PTPRD: variants seen among roughly 807,000 people sequenced by gnomAD.
The protein encoded by PTPRD is protein tyrosine phosphatase receptor type D, also known as receptor-type tyrosine-protein phosphatase delta.
PTPRD carries 34 observed loss-of-function variants against 214.5 expected under a neutral mutation model. The ratio of observed to expected loss-of-function variants is 0.16; its 90% CI spans 0.12 to 0.21. The LOEUF is 0.21. PTPRD is among the 10% of genes least tolerant of loss of function. The pLI is 1.00. For missense variants in PTPRD, 2,545 were observed against 2,398.7 expected (o/e 1.06, Z -1.27); for synonymous variants, 1,128 against 845.7 (o/e 1.33, Z -5.79).
intron 5 of PTPRD, among the ~76,000 whole-genome samples, chr9:9,792,516 C>T (rs1168045207): frequency 6.6e-6 from 1 of 152,140 alleles, no homozygotes; most frequent in African/African-American, 2.4e-5. Context: ...TGGCATTCTT[C>T]TCCTAGTAGC....
intron 8 of PTPRD, among the ~76,000 whole-genome samples, 172 bp from the exon 9 acceptor site, chr9:9,397,654 T>C (rs773144456): frequency 5.9e-5 from 9 of 152,034 alleles, no homozygotes; most frequent in Non-Finnish European, 1.2e-4. Flanking sequence ...AAGTGTTTCA[T>C]CACCACCATT....
chr9:8,609,760 C>T (rs1439111624), intron 14 of PTPRD, among the ~76,000 whole-genome samples: 1 of 152,162 alleles, frequency 6.6e-6, no homozygotes, highest in East Asian at 1.9e-4. Flanking sequence ...ATGATTTGCT[C>T]ATAATTCATA....
intron 7 of PTPRD, among the ~76,000 whole-genome samples, chr9:9,651,953 G>A (rs1255355598): frequency 6.9e-6 from 1 of 145,376 alleles, no homozygotes; most frequent in African/African-American, 2.6e-5. Context: ...TCCCACCTCA[G>A]CCTCCCAAGT....
chr9:9,444,449 G>C (rs1483314988), intron 8 of PTPRD, among the ~76,000 whole-genome samples: 1 of 152,174 alleles, frequency 6.6e-6, no homozygotes, highest in Non-Finnish European at 1.5e-5. Context: ...ACTATGTTCT[G>C]TGATATTGTG....
intron 5 of PTPRD, among the ~76,000 whole-genome samples, chr9:9,834,009 GAAGTA>G (rs1320485402): frequency 6.6e-6 from 1 of 152,046 alleles, no homozygotes; most frequent in African/African-American, 2.4e-5. Context: ...TTAAGAGATT[GAAGTA>G]AAGACAGGCA....
At chr9:9,573,864 G>T (rs766017424) in intron 8 of PTPRD, among the ~76,000 whole-genome samples, 1 of 151,620 alleles carries the variant, frequency 6.6e-6, no homozygotes, top group Non-Finnish European at 1.5e-5. Context: ...TGTTATCTAC[G>T]ATCATTTTAA....
chr9:10,196,194 G>T (rs2099397352), intron 3 of PTPRD, among the ~76,000 whole-genome samples: 1 of 152,070 alleles, frequency 6.6e-6, no homozygotes, highest in Non-Finnish European at 1.5e-5. Context: ...ATGACATAAA[G>T]TACAATATCT....
rs894202507 is a variant in PTPRD, at chr9:8,829,908, G to A, written c.-103-95962C>T. On this transcript the variant is annotated intron_variant, in intron 11 of 45. Transcript: ENST00000381196. ...GAAGATTAAATGCTATTACTTGTAT[G>A]AAACCTCTTCATTAACTATATAATT... Among the ~76,000 whole-genome samples, 5 of 152,116 alleles carry A rather than the reference G, an allele frequency of 3.3e-5. No homozygotes were observed. The South Asian group carries it at 1.0e-3, about 32-fold the overall frequency.
chr9:8,434,030 G>A (rs542919402), intron 35 of PTPRD, among the ~76,000 whole-genome samples: 1 of 152,244 alleles, frequency 6.6e-6, no homozygotes, highest in East Asian at 1.9e-4. Context: ...CACCCAGGCT[G>A]GAGTGCAATG....
At chr9:9,743,837 T>C (rs928109080) in intron 6 of PTPRD, among the ~76,000 whole-genome samples, 11 of 152,020 alleles carry the variant, frequency 7.2e-5, no homozygotes, top group African/African-American at 2.7e-4. Flanking sequence ...TCTATTTGAC[T>C]CTCTATAAGG....
chr9:10,516,826 A>T (rs560913644), intron 2 of PTPRD, among the ~76,000 whole-genome samples: 2 of 151,914 alleles, frequency 1.3e-5, no homozygotes, highest in South Asian at 4.1e-4. Flanking sequence ...TTGCTGAAGA[A>T]ACTATTATTT....
chr9:9,236,051 G>C (rs2099966478), intron 9 of PTPRD, among the ~76,000 whole-genome samples: 1 of 152,048 alleles, frequency 6.6e-6, no homozygotes. Context: ...ATCACCTGAG[G>C]TCAGGAGTTC....
intron 11 of PTPRD, among the ~76,000 whole-genome samples, chr9:9,016,522 G>A (rs943617897): frequency 2.0e-5 from 3 of 152,144 alleles, no homozygotes; most frequent in Non-Finnish European, 2.9e-5. Flanking sequence ...GGTTAAAATC[G>A]GGGAGATGGT....
intron 35 of PTPRD, among the ~76,000 whole-genome samples, chr9:8,427,725 G>A (rs1292353963): frequency 1.3e-5 from 2 of 151,688 alleles, no homozygotes; most frequent in African/African-American, 4.9e-5. Flanking sequence ...AAAGCCCTAA[G>A]GGTTTGGCCT....
chr9:8,373,614 T>G (rs4740944), intron 39 of PTPRD, among the ~76,000 whole-genome samples: 19 of 1,994 alleles, frequency 9.5e-3, no homozygotes, highest in East Asian at 0.14. Flanking sequence ...TGGATGCGGG[T>G]GTGTGTGTGT....
chr9:10,590,133 T>A (rs1479206991), intron 2 of PTPRD, among the ~76,000 whole-genome samples: 4 of 151,992 alleles, frequency 2.6e-5, no homozygotes, highest in Non-Finnish European at 5.9e-5. Flanking sequence ...AGCACTAGTA[T>A]AAAGTGATAA....
Position 9,941,469 on chromosome 9 carries a change from C to A in PTPRD, c.-471-2859G>T, listed in dbSNP as rs544893819. On this transcript the variant is annotated intron_variant, in intron 4 of 45. Transcript: ENST00000381196. Reference sequence around the variant, plus strand: ...TCCCAAGTAGCTGGGATTACAGGAACCCAGCACCACGCCTGGGTAATTTTT... The same window carrying A: ...TCCCAAGTAGCTGGGATTACAGGAAACCAGCACCACGCCTGGGTAATTTTT... Among the ~76,000 whole-genome samples, 5 of 152,174 alleles carry A rather than the reference C, an allele frequency of 3.3e-5. No individual in the cohort carries two copies. The South Asian group carries it at 1.0e-3, about 32-fold the overall frequency.
At chr9:9,935,741 G>A (rs899920210) in intron 5 of PTPRD, among the ~76,000 whole-genome samples, 14 of 140,008 alleles carry the variant, frequency 1.0e-4, no homozygotes, top group African/African-American at 2.0e-4. Context: ...AAGTTCATAT[G>A]GAACCAAAAA....
At chr9:9,347,158 G>C (rs918250548) in intron 9 of PTPRD, among the ~76,000 whole-genome samples, 1 of 152,018 alleles carries the variant, frequency 6.6e-6, no homozygotes, top group Admixed American at 6.6e-5. Flanking sequence ...AACAGAGTGA[G>C]GCTCTGTTTG....
Sources: allele counts gnomAD v4.1 joint callset (sites outside exome capture counted in the v4.1 genomes callset), GRCh38; gene constraint gnomAD v4.1.1; transcripts MANE v1.5; gene names NCBI Gene and HGNC (gene_info 2026-07-23, HGNC 2026-07-21).